Variants in GRIN2B observed in about 807,000 individuals in gnomAD.
The protein encoded by GRIN2B is glutamate receptor ionotropic, NMDA 2B.
Under a neutral mutation model 114.5 loss-of-function variants are expected in GRIN2B, and 5 were observed. The observed-to-expected ratio is 0.04, with a 90% confidence interval of 0.02 to 0.09. GRIN2B has a LOEUF of 0.09. Among genes scored for constraint, GRIN2B ranks in the 10% least tolerant of loss-of-function variants. The probability of loss-of-function intolerance (pLI) is 1.00; values close to 1 mark genes in which losing one functional copy is unlikely to be tolerated. For missense variants in GRIN2B, 1,108 were observed against 1,943.5 expected, an observed-to-expected ratio of 0.57 and a Z score of 8.08; for synonymous variants, 787 against 745.1, an observed-to-expected ratio of 1.06 and a Z score of -0.92.
rs1193816813 is a variant in GRIN2B at position 13,551,235 on chromosome 12, G to A, written c.*11548C>T. 2 of 152,066 alleles carry A rather than the reference G, an allele frequency of 1.3e-5. No homozygotes were observed. 9.4% of individuals were successfully genotyped at this position (152,066 alleles called of 1,614,324 possible). A position where few individuals can be genotyped will look rare whatever the true frequency, so the allele number is the denominator to read the frequency against. On this transcript the variant is annotated 3_prime_UTR_variant, in exon 14 of 14. Transcript: ENST00000609686. Reference sequence around the variant, plus strand: ...CTCCTACCCTTATTCCTCCCATTGAGAACAGACCTCTCCACCTCTGCTCAT... The same window carrying A: ...CTCCTACCCTTATTCCTCCCATTGAAAACAGACCTCTCCACCTCTGCTCAT...
chr12:13,863,445 T>A (rs1213340070), intron 3 of GRIN2B, among the ~76,000 whole-genome samples: 1 of 152,214 alleles, frequency 6.6e-6, no homozygotes. Context: ...TACACAGCCT[T>A]TGAAGCTAGC....
intron 3 of GRIN2B, among the ~76,000 whole-genome samples, chr12:13,859,719 T>C (rs1387316617): frequency 2.6e-5 from 4 of 152,208 alleles, no homozygotes; most frequent in African/African-American, 9.6e-5. Context: ...TTGGCCAACA[T>C]ACATAAACGC....
intron 3 of GRIN2B, among the ~76,000 whole-genome samples, chr12:13,860,455 A>G (rs1464337111): frequency 1.3e-5 from 2 of 152,108 alleles, no homozygotes; most frequent in Non-Finnish European, 2.9e-5. Context: ...CAACCTCCCA[A>G]GTAGCTGTGA....
chr12:13,844,099 G>C (rs1352486783), intron 3 of GRIN2B, among the ~76,000 whole-genome samples: 3 of 152,160 alleles, frequency 2.0e-5, no homozygotes, highest in Non-Finnish European at 4.4e-5. Context: ...AGCCCATTTA[G>C]AGCTTTATTC....
At chr12:13,746,482 A>C (rs527555120) in intron 4 of GRIN2B, among the ~76,000 whole-genome samples, 35 of 151,962 alleles carry the variant, frequency 2.3e-4, no homozygotes, top group African/African-American at 8.2e-4. Context: ...CCCATAGACC[A>C]TATTCCGTCT....
chr12:13,697,379 A>T (rs1207463579), intron 4 of GRIN2B, among the ~76,000 whole-genome samples: 3 of 152,064 alleles, frequency 2.0e-5, no homozygotes, highest in Non-Finnish European at 4.4e-5. Context: ...TGCAACTAAC[A>T]TCTAGCTGAG....
At chr12:13,851,232 G>A (rs1865560171) in intron 3 of GRIN2B, among the ~76,000 whole-genome samples, 1 of 152,124 alleles carries the variant, frequency 6.6e-6, no homozygotes, top group Non-Finnish European at 1.5e-5. Flanking sequence ...GACATCTGAT[G>A]GTGGATTTCA....
At chr12:13,577,464 C>T (rs1392409803) in intron 10 of GRIN2B, among the ~76,000 whole-genome samples, 1 of 152,128 alleles carries the variant, frequency 6.6e-6, no homozygotes, top group Admixed American at 6.5e-5. Context: ...GTCAAGGCCC[C>T]CACCCAGAGA....
At chr12:13,656,015 T>C (rs1289290752) in intron 5 of GRIN2B, among the ~76,000 whole-genome samples, 1 of 152,060 alleles carries the variant, frequency 6.6e-6, no homozygotes, top group Non-Finnish European at 1.5e-5. Flanking sequence ...TCTCCTGTAG[T>C]GTTTTTCTTT....
intron 5 of GRIN2B, among the ~76,000 whole-genome samples, chr12:13,659,485 C>G (rs978985881): frequency 1.3e-5 from 2 of 152,170 alleles, no homozygotes; most frequent in Non-Finnish European, 2.9e-5. Flanking sequence ...AATCACATCA[C>G]TCTCCCACTC....
intron 5 of GRIN2B, among the ~76,000 whole-genome samples, chr12:13,646,212 A>G (rs1949760583): frequency 6.6e-6 from 1 of 152,132 alleles, no homozygotes; most frequent in South Asian, 2.1e-4. Context: ...TCTAATGACA[A>G]GCTTTGGAAT....
intron 5 of GRIN2B, among the ~76,000 whole-genome samples, chr12:13,621,624 T>TG (rs952488708): frequency 7.0e-6 from 1 of 143,714 alleles, no homozygotes; most frequent in African/African-American, 2.6e-5. Context: ...TTTTTTTTTT[T>TG]TTTTTTTTTT....
At chr12:13,735,261 A>T (rs2136609051) in intron 4 of GRIN2B, among the ~76,000 whole-genome samples, 1 of 152,346 alleles carries the variant, frequency 6.6e-6, no homozygotes, top group East Asian at 1.9e-4. Context: ...TACTATAGAC[A>T]CTTTGAAGTC....
In GRIN2B at chr12:13,611,749, T is replaced by G. The variant is rs764017577; in HGVS notation, c.1756A>C (p.Asn586His). The change falls in exon 9 of 14, where the codon AAC (asparagine) becomes CAC (histidine). Residue 586 changes from asparagine (N) to histidine (H), a missense_variant. Physicochemically the swap from Asn to His is moderately conservative, Grantham distance 68. Transcript: ENST00000609686. ...VFEYFSPVGY[N>H]RCLADGREPG... ...CCTCTGCCATCAGCGAGGCACCTGT[T>G]ATAACCCACAGGGCTGAAGTACTCA... 4 of 1,613,880 alleles carry G rather than the reference T, an allele frequency of 2.5e-6. No homozygotes were observed. The highest frequency in any genetic ancestry group is 3.4e-6 in the Non-Finnish European group (4 of 1,179,790).
At chr12:13,729,008 C>T (rs745519251) in intron 4 of GRIN2B, among the ~76,000 whole-genome samples, 15 of 152,208 alleles carry the variant, frequency 9.9e-5, no homozygotes, top group Non-Finnish European at 1.8e-4. Flanking sequence ...CAAGTATCTT[C>T]TCACACAAAT....
chr12:13,909,426 T>C (rs1217355075), intron 2 of GRIN2B, among the ~76,000 whole-genome samples: 2 of 152,246 alleles, frequency 1.3e-5, no homozygotes, highest in Non-Finnish European at 2.9e-5. Flanking sequence ...GATAGGGCCG[T>C]GTGTCCTAGT....
intron 3 of GRIN2B, among the ~76,000 whole-genome samples, chr12:13,849,172 GGCAGGCAA>G (rs1393415319): frequency 1.3e-5 from 2 of 151,992 alleles, no homozygotes; most frequent in Non-Finnish European, 2.9e-5. Context: ...AAAATGACAT[GGCAGGCAA>G]GCAGGCAAGC....
chr12:13,814,977 G>A (rs868471724), intron 3 of GRIN2B, among the ~76,000 whole-genome samples: 4 of 152,016 alleles, frequency 2.6e-5, no homozygotes, highest in East Asian at 1.9e-4. Context: ...GTATTTAAAC[G>A]TTGATCTCAT....
chr12:13,942,712 T>G (rs1439033954), intron 2 of GRIN2B, among the ~76,000 whole-genome samples: 1 of 152,192 alleles, frequency 6.6e-6, no homozygotes, highest in Non-Finnish European at 1.5e-5. Context: ...TGTATATAAA[T>G]TAAAATAATT....
Sources: gnomAD v4.1 joint callset for allele counts (sites outside exome capture counted in the v4.1 genomes callset) on GRCh38, gnomAD v4.1.1 for gene constraint, MANE v1.5 for transcripts, NCBI Gene and HGNC (gene_info 2026-07-23, HGNC 2026-07-21) for gene names.